The following EPC1 variants were observed in gnomAD, a reference collection of about 807,000 sequenced individuals.
The protein encoded by EPC1 is enhancer of polycomb 1.
A neutral mutation model predicts 98.4 loss-of-function variants in EPC1; 12 were observed. That is an observed-to-expected ratio of 0.12 (90% CI 0.08 to 0.20). The LOEUF is 0.20. Ranked by LOEUF, EPC1 falls within the 10% of genes least tolerant of loss-of-function variation. The probability of loss-of-function intolerance (pLI) is 1.00; values close to 1 mark genes in which losing one functional copy is unlikely to be tolerated. For missense variants in EPC1, 729 were observed against 990.5 expected (o/e 0.74, Z 3.54); for synonymous variants, 357 against 363.9 (o/e 0.98, Z 0.21).
intron 6 of EPC1, among the ~76,000 whole-genome samples, chr10:32,290,501 A>AAAAAAAAG (rs1836942305): frequency 5.5e-5 from 2 of 36,220 alleles, no homozygotes; most frequent in African/African-American, 2.1e-4. Flanking sequence ...AAAAAAAAAA[A>AAAAAAAAG]AAAAAAAGAA....
intron 1 of EPC1, among the ~76,000 whole-genome samples, chr10:32,367,373 CTT>C (rs1345005428): frequency 2.0e-5 from 3 of 152,086 alleles, no homozygotes; most frequent in Non-Finnish European, 4.4e-5. Context: ...GCTGAAGAAA[CTT>C]TTAAAAAGGC....
chr10:32,348,434 G>A (rs1263060147), upstream of EPC1, among the ~76,000 whole-genome samples: 1 of 152,146 alleles, frequency 6.6e-6, no homozygotes, highest in African/African-American at 2.4e-5. Flanking sequence ...TGGGAACTAC[G>A]TAGTAAAAGT....
Position 32,280,878 on chromosome 10 carries a change from G to C in EPC1, c.1744+3820C>G, listed in dbSNP as rs79028149. On this transcript the variant is annotated intron_variant, in intron 10 of 13. Transcript: ENST00000319778. Reference sequence around the variant, plus strand: ...TAACTTCCAAACTCATAAACAACTTGGGCATCTCTAATATGAACGTCTGAA... The same window carrying C: ...TAACTTCCAAACTCATAAACAACTTCGGCATCTCTAATATGAACGTCTGAA... 4.7e-3 allele frequency among the ~76,000 whole-genome samples: 708 copies of C among 152,230 alleles called. 33 individuals carry two copies. The East Asian group carries it at 0.1, about 22-fold the overall frequency.
intron 9 of EPC1, chr10:32,286,039 A>G (rs1836663096): frequency 6.6e-6 from 1 of 152,248 alleles, no homozygotes; most frequent in South Asian, 2.1e-4. Context: ...TTAGTTTATC[A>G]TAAATATACG....
At chr10:32,330,437 G>A (rs556281160) in intron 1 of EPC1, among the ~76,000 whole-genome samples, 2 of 152,318 alleles carry the variant, frequency 1.3e-5, no homozygotes, top group African/African-American at 4.8e-5. Flanking sequence ...GTTACAGCTA[G>A]CTTACAGAAA....
chr10:32,361,276 A>G (rs183744570), intron 1 of EPC1, among the ~76,000 whole-genome samples: 56 of 152,314 alleles, frequency 3.7e-4, no homozygotes, highest in African/African-American at 1.2e-3. Context: ...TATAACTTCT[A>G]TGAGCGTCAG....
intron 3 of EPC1, 26 bp downstream of exon 3, chr10:32,293,566 C>T (rs970570919): frequency 5.6e-6 from 9 of 1,596,872 alleles, no homozygotes; most frequent in Admixed American, 1.7e-5. Context: ...TATGTATATA[C>T]TTGTTATATA....
chr10:32,310,427 T>C (rs1836140368), intron 1 of EPC1, among the ~76,000 whole-genome samples: 1 of 152,214 alleles, frequency 6.6e-6, no homozygotes, highest in Non-Finnish European at 1.5e-5. Flanking sequence ...AGTCTATACC[T>C]TTCATTATTA....
At chr10:32,273,333 G>C in intron 10 of EPC1, 52 bp from the exon 11 acceptor site, 1 of 1,580,120 alleles carries the variant, frequency 6.3e-7, no homozygotes, top group Non-Finnish European at 8.6e-7. Flanking sequence ...TGTCATGTAT[G>C]TCTTACAGTA....
In EPC1 at chr10:32,279,710, T is replaced by C. The variant is rs564174139; in HGVS notation, c.1744+4988A>G. ...TAAAAATCACTTTGTTTCCAGTCTT[T>C]CTGAATTATATAAGGACTCTTACAT... On this transcript the variant is annotated intron_variant, in intron 10 of 13. Coordinates refer to ENST00000319778, the MANE Select transcript of EPC1 (RefSeq NM_001272004.3). Among the ~76,000 whole-genome samples the C allele has an allele frequency of 1.1e-4, 16 of 152,304 alleles. No homozygotes were observed. In the East Asian group the frequency reaches 2.9e-3, roughly 28 times the overall value.
chr10:32,339,787 C>G (rs1216506929), intron 1 of EPC1, among the ~76,000 whole-genome samples: 1 of 152,166 alleles, frequency 6.6e-6, no homozygotes, highest in East Asian at 1.9e-4. Flanking sequence ...ATTCACTCCT[C>G]AGAGCTATTT....
chr10:32,373,969 A>G (rs1839819563), intron 1 of EPC1, among the ~76,000 whole-genome samples: 1 of 152,200 alleles, frequency 6.6e-6, no homozygotes, highest in Non-Finnish European at 1.5e-5. Flanking sequence ...ACTATAGATT[A>G]ATTGGCTGTA....
intron 1 of EPC1, among the ~76,000 whole-genome samples, chr10:32,344,455 C>G (rs999921547): frequency 2.6e-5 from 4 of 152,134 alleles, no homozygotes; most frequent in African/African-American, 9.7e-5. Context: ...TTAGGGACTC[C>G]ACATGTTACA....
intron 1 of EPC1, among the ~76,000 whole-genome samples, chr10:32,352,190 A>C (rs1054712883): frequency 6.7e-6 from 1 of 149,460 alleles, no homozygotes; most frequent in African/African-American, 2.5e-5. Flanking sequence ...GACTACAGGC[A>C]CCTGCCACCA....
intron 1 of EPC1, chr10:32,345,547 G>A: frequency 1.0e-6 from 1 of 985,396 alleles, no homozygotes; most frequent in Non-Finnish European, 1.2e-6. Context: ...ACTGCACCCT[G>A]TTTAAATGGC....
chr10:32,377,977 G>A (rs1353980788), intron 1 of EPC1, among the ~76,000 whole-genome samples: 1 of 152,098 alleles, frequency 6.6e-6, no homozygotes, highest in Non-Finnish European at 1.5e-5. Flanking sequence ...CCACTATTTA[G>A]TAACAGCCAT....
upstream of EPC1, among the ~76,000 whole-genome samples, chr10:32,350,003 A>G (rs767924068): frequency 4.6e-5 from 7 of 152,250 alleles, no homozygotes; most frequent in Non-Finnish European, 7.3e-5. Context: ...TATCTGTCCG[A>G]AAGATTCCTT....
intron 1 of EPC1, among the ~76,000 whole-genome samples, chr10:32,323,131 AT>A (rs1025871009): frequency 6.6e-6 from 1 of 152,142 alleles, no homozygotes; most frequent in South Asian, 2.1e-4. Context: ...TGTATCCATA[AT>A]TTTTTTAAAA....
chr10:32,285,018 T>C lies in EPC1; in HGVS notation c.1424A>G (p.Asp475Gly). The C allele has an allele frequency of 1.9e-6, 3 of 1,614,194 alleles. No individual in the cohort carries two copies. The highest frequency in any genetic ancestry group is 2.2e-5 in the East Asian group (1 of 44,884). Residue 475 changes from aspartate (D) to glycine (G), a missense_variant, in exon 10 of 14, where the codon GAC becomes GGC. By Grantham distance (94) the Asp-to-Gly change is moderately conservative. Coordinates refer to ENST00000319778, the MANE Select transcript of EPC1 (RefSeq NM_001272004.3). ...CAAATCCAGATGGTGAAACACACTG[T>C]CATAGTCTGAATGAGCTCTGTCCAG... ...VLLDRAHSDY[D>G]SVFHHLDLEM... is the part of the protein sequence containing the mutation.
Sources: allele counts gnomAD v4.1 joint callset (sites outside exome capture counted in the v4.1 genomes callset), GRCh38; gene constraint gnomAD v4.1.1; transcripts MANE v1.5; gene names NCBI Gene and HGNC (gene_info 2026-07-23, HGNC 2026-07-21).